Variants in MERTK observed in about 807,000 individuals in gnomAD.
The protein encoded by MERTK is MER proto-oncogene, tyrosine kinase.
A neutral mutation model predicts 99.3 loss-of-function variants in MERTK; 69 were observed. The observed-to-expected ratio is 0.70, with a 90% CI of 0.57 to 0.85. The LOEUF (loss-of-function observed/expected upper bound fraction) is 0.85. Ranked by LOEUF, MERTK falls within the 40% of genes least tolerant of loss-of-function variation. MERTK has a pLI of 0.00. For missense variants in MERTK, 1,125 were observed against 1,249.4 expected (o/e 0.90, Z 1.50); for synonymous variants, 426 against 467.6 (o/e 0.91, Z 1.15).
chr2:111,914,343 T>TCA (rs898297677), intron 1 of MERTK, among the ~76,000 whole-genome samples: 4 of 152,134 alleles, frequency 2.6e-5, no homozygotes, highest in African/African-American at 9.7e-5. Flanking sequence ...AATGGTGCAA[T>TCA]CACGGCTCAC....
intron 13 of MERTK, among the ~76,000 whole-genome samples, chr2:112,007,300 G>T (rs567492852): frequency 2.6e-5 from 4 of 152,064 alleles, no homozygotes; most frequent in Non-Finnish European, 4.4e-5. Context: ...AACTACAGGC[G>T]CCCGCCACCA....
At chr2:112,004,050 T>C (rs1676930251) in intron 13 of MERTK, 66 bp downstream of exon 13, 1 of 1,341,508 alleles carries the variant, frequency 7.5e-7, no homozygotes, top group Admixed American at 1.7e-5. Flanking sequence ...GGGTGCTCCA[T>C]GAGGCCATAT....
At chr2:111,991,952 C>G (rs1194621414) in intron 8 of MERTK, among the ~76,000 whole-genome samples, 1 of 152,148 alleles carries the variant, frequency 6.6e-6, no homozygotes, top group South Asian at 2.1e-4. Flanking sequence ...TGTTTGGGCA[C>G]TTTAGGCCTC....
At chr2:111,902,177 A>G (rs1343212728) in intron 1 of MERTK, among the ~76,000 whole-genome samples, 3 of 152,186 alleles carry the variant, frequency 2.0e-5, no homozygotes, top group Non-Finnish European at 4.4e-5. Context: ...GAGCCACCAC[A>G]CCCAGCCAAT....
chr2:111,915,596 G>C (rs1366554444), intron 1 of MERTK, among the ~76,000 whole-genome samples: 1 of 146,982 alleles, frequency 6.8e-6, no homozygotes, highest in Non-Finnish European at 1.5e-5. Flanking sequence ...ACACTTCTTT[G>C]ACCCATGGAC....
intron 1 of MERTK, among the ~76,000 whole-genome samples, chr2:111,902,625 C>T (rs1032009262): frequency 2.0e-5 from 3 of 152,106 alleles, no homozygotes; most frequent in Non-Finnish European, 4.4e-5. Flanking sequence ...ATGCTGGCTT[C>T]TTCTCATCCT....
intron 1 of MERTK, among the ~76,000 whole-genome samples, chr2:111,910,627 T>TATATAC (rs1364348878): frequency 6.6e-6 from 1 of 150,986 alleles, no homozygotes; most frequent in Non-Finnish European, 1.5e-5. Context: ...TATATATATA[T>TATATAC]ACAAATGGAA....
chr2:111,963,845 A>G (rs2104720879), intron 4 of MERTK, among the ~76,000 whole-genome samples: 1 of 152,192 alleles, frequency 6.6e-6, no homozygotes, highest in East Asian at 1.9e-4. Flanking sequence ...GGTGTTTTGT[A>G]GAATGTCCCA....
At chr2:112,015,517 TTTAA>T (rs1677199400) in intron 15 of MERTK, among the ~76,000 whole-genome samples, 1 of 152,238 alleles carries the variant, frequency 6.6e-6, no homozygotes, top group Non-Finnish European at 1.5e-5. Flanking sequence ...TTGTTTATTT[TTTAA>T]TTGAGTTGTT....
In MERTK at chr2:111,975,473, G is replaced by A. The variant is rs2104733978; in HGVS notation, c.1144+1G>A. Reference sequence around the variant, plus strand: ...ATTCTAGCCAGCACGACTGAAGGAGGTAATTCCTGGGGTTCAGAATGTATA... The same window carrying A: ...ATTCTAGCCAGCACGACTGAAGGAGATAATTCCTGGGGTTCAGAATGTATA... On this transcript the variant is annotated splice_donor_variant, in intron 7 of 18. Coordinates refer to ENST00000295408, the MANE Select transcript of MERTK (RefSeq NM_006343.3). LOFTEE classifies it high-confidence loss of function. 6.2e-7 allele frequency: 1 copy of A among 1,614,022 alleles called. No individual in the cohort carries two copies. Among genetic ancestry groups the A allele is most frequent in the Non-Finnish European group, 8.5e-7 (1 of 1,179,924 alleles).
chr2:112,025,802 A>C (rs1265932308), intron 18 of MERTK, among the ~76,000 whole-genome samples: 1 of 152,208 alleles, frequency 6.6e-6, no homozygotes, highest in Non-Finnish European at 1.5e-5. Flanking sequence ...ATTGTGATAA[A>C]ATATACATAA....
intron 1 of MERTK, among the ~76,000 whole-genome samples, chr2:111,911,927 G>T (rs185182705): frequency 6.6e-6 from 1 of 151,956 alleles, no homozygotes; most frequent in Admixed American, 6.6e-5. Context: ...GGGGTCAAGT[G>T]ATCCTCCTGC....
At chr2:111,928,466 C>T (rs998577860) in intron 1 of MERTK, among the ~76,000 whole-genome samples, 2 of 151,070 alleles carry the variant, frequency 1.3e-5, no homozygotes, top group Middle Eastern at 3.4e-3. Flanking sequence ...GCAGCATAGT[C>T]TCTGACAGAG....
intron 6 of MERTK, among the ~76,000 whole-genome samples, chr2:111,969,722 C>G (rs1277762549): frequency 6.9e-6 from 1 of 145,822 alleles, no homozygotes; most frequent in African/African-American, 2.6e-5. Flanking sequence ...GACAGAGTCT[C>G]GCTCTGTTGC....
chr2:111,970,688 CCCT>C (rs1025113446), intron 6 of MERTK, among the ~76,000 whole-genome samples: 2 of 144,136 alleles, frequency 1.4e-5, no homozygotes, highest in African/African-American at 2.6e-5. Flanking sequence ...TCCTCCTCCT[CCCT>C]CCTCCTCCTT....
intron 7 of MERTK, 33 bp from the exon 8 acceptor site, chr2:111,982,809 T>G (rs528105352): frequency 1.3e-5 from 21 of 1,611,468 alleles, no homozygotes; most frequent in Non-Finnish European, 1.8e-5. Context: ...TGCTTTGTGG[T>G]TCTTCATTCT....
intron 10 of MERTK, among the ~76,000 whole-genome samples, chr2:111,997,925 G>A (rs1252554894): frequency 4.6e-5 from 7 of 152,194 alleles, no homozygotes; most frequent in South Asian, 2.1e-4. Context: ...GATGGCACAC[G>A]CCTGTAATCC....
Position 111,947,448 on chromosome 2 carries a change from C to T in MERTK, c.638C>T (p.Ala213Val). ...PESMNVTRNT[A>V]FNLTCQAVGP... is the part of the protein sequence containing the mutation. ...AGCATGAATGTCACCAGAAACACAG[C>T]CTTCAACCTCACCTGTCAGGCTGTG... The change falls in exon 4 of 19, where the codon GCC becomes GTC. Residue 213 changes from alanine (A) to valine (V), a missense_variant. Physicochemically the swap from Ala to Val is moderately conservative, Grantham distance 64. Transcript: ENST00000295408. 4 of 1,614,170 alleles carry T rather than the reference C, an allele frequency of 2.5e-6. No individual in the cohort carries two copies. Among genetic ancestry groups the T allele is most frequent in the African/African-American group, 1.3e-5 (1 of 75,022 alleles).
chr2:111,904,131 C>T (rs984838880), intron 1 of MERTK, among the ~76,000 whole-genome samples: 2 of 152,114 alleles, frequency 1.3e-5, no homozygotes, highest in Admixed American at 6.5e-5. Flanking sequence ...AGAAGCAGGG[C>T]CCGCCCTGAC....
Sources: gnomAD v4.1 joint callset for allele counts (sites outside exome capture counted in the v4.1 genomes callset) on GRCh38, gnomAD v4.1.1 for gene constraint, MANE v1.5 for transcripts, NCBI Gene and HGNC (gene_info 2026-07-23, HGNC 2026-07-21) for gene names.